NLK: variants seen among roughly 807,000 people sequenced by gnomAD.
NLK encodes the protein nemo like kinase.
Under a neutral mutation model 59.0 loss-of-function variants are expected in NLK, and 11 were observed. That is an observed-to-expected ratio of 0.19 (90% CI 0.12 to 0.31). NLK has a LOEUF of 0.31. NLK is among the 10% of genes least tolerant of loss of function. The probability of loss-of-function intolerance (pLI) is 1.00; values close to 1 mark genes in which losing one functional copy is unlikely to be tolerated. For synonymous variants in NLK, 235 were observed against 235.9 expected, an observed-to-expected ratio of 1.00 and a Z score of 0.03; for missense variants, 410 against 661.1, an observed-to-expected ratio of 0.62 and a Z score of 4.16.
intron 2 of NLK, among the ~76,000 whole-genome samples, chr17:28,124,892 A>G (rs28485510): frequency 6.6e-6 from 1 of 151,820 alleles, no homozygotes; most frequent in African/African-American, 2.4e-5. Context: ...TCTACAAAAA[A>G]TAAAAAATTA....
chr17:28,075,768 A>G (rs901497124), intron 1 of NLK, among the ~76,000 whole-genome samples: 4 of 151,936 alleles, frequency 2.6e-5, no homozygotes, highest in African/African-American at 9.7e-5. Context: ...CTTCACCCCC[A>G]CTTCATAAGC....
intron 7 of NLK, among the ~76,000 whole-genome samples, 179 bp from the exon 8 acceptor site, chr17:28,185,000 G>T (rs1170638790): frequency 6.6e-6 from 1 of 152,064 alleles, no homozygotes; most frequent in Non-Finnish European, 1.5e-5. Flanking sequence ...AATGCTACGG[G>T]AAGTTAGTAA....
chr17:28,105,194 G>C (rs1374353184), intron 1 of NLK, among the ~76,000 whole-genome samples: 1 of 152,156 alleles, frequency 6.6e-6, no homozygotes, highest in Non-Finnish European at 1.5e-5. Flanking sequence ...AAAGGGAAAG[G>C]AAACAGGGAC....
intron 1 of NLK, among the ~76,000 whole-genome samples, chr17:28,111,311 C>G (rs966365223): frequency 2.6e-5 from 4 of 152,016 alleles, no homozygotes; most frequent in Non-Finnish European, 5.9e-5. Context: ...CTCAGCCTCC[C>G]AAGTAACTGG....
intron 8 of NLK, among the ~76,000 whole-genome samples, chr17:28,190,042 G>T (rs1271121604): frequency 2.0e-5 from 3 of 152,176 alleles, no homozygotes; most frequent in African/African-American, 7.2e-5. Context: ...GAGAACAGTT[G>T]TTTTTGGTTT....
intron 1 of NLK, among the ~76,000 whole-genome samples, chr17:28,114,726 G>A (rs1905684962): frequency 6.6e-6 from 1 of 152,128 alleles, no homozygotes; most frequent in African/African-American, 2.4e-5. Flanking sequence ...TTGTTTTTGT[G>A]TATAGTGTGG....
At chr17:28,060,227 A>G (rs891524288) in intron 1 of NLK, among the ~76,000 whole-genome samples, 1 of 152,184 alleles carries the variant, frequency 6.6e-6, no homozygotes, top group Non-Finnish European at 1.5e-5. Flanking sequence ...ATAAGAAAAT[A>G]TAACTTTTTA....
At position 28,084,569 on chromosome 17, in the gene NLK, CT is replaced by C. The variant is rs934138395; in HGVS notation, c.459-38023del. 2.1e-4 allele frequency among the ~76,000 whole-genome samples: 31 copies of C among 146,778 alleles called. 1 individual carries two copies. Among genetic ancestry groups the C allele is most frequent in the Non-Finnish European group, 3.2e-4 (21 of 66,024 alleles). The stretch of plus-strand genomic sequence containing the variant: ...TGTACATTCTGTCCCACTACCTTTT[CT>C]TTTTTTTTTTCGAGATGGAGTCTTG... On this transcript the variant is annotated intron_variant, in intron 1 of 10. Transcript: ENST00000407008.
downstream of NLK, among the ~76,000 whole-genome samples, chr17:28,201,314 C>T (rs1567746327): frequency 6.6e-6 from 1 of 151,524 alleles, no homozygotes; most frequent in Non-Finnish European, 1.5e-5. Flanking sequence ...AACTCCTGGC[C>T]TCAAGTAATA....
At chr17:28,100,478 T>A (rs1472150940) in intron 1 of NLK, among the ~76,000 whole-genome samples, 1 of 152,202 alleles carries the variant, frequency 6.6e-6, no homozygotes, top group Non-Finnish European at 1.5e-5. Context: ...AGTAGAATCT[T>A]ACTGTGGTTT....
chr17:28,053,572 A>T (rs1239789661), intron 1 of NLK, among the ~76,000 whole-genome samples: 1 of 152,196 alleles, frequency 6.6e-6, no homozygotes, highest in African/African-American at 2.4e-5. Context: ...TATAGAGCTC[A>T]GTAGTGTCAG....
intron 2 of NLK, among the ~76,000 whole-genome samples, chr17:28,126,265 G>A (rs1906285875): frequency 6.6e-6 from 1 of 152,218 alleles, no homozygotes; most frequent in Non-Finnish European, 1.5e-5. Flanking sequence ...TGGAGAGGGG[G>A]ACCTTAAAAC....
chr17:28,064,020 A>C (rs148605445), intron 1 of NLK, among the ~76,000 whole-genome samples: 2 of 152,158 alleles, frequency 1.3e-5, no homozygotes, highest in African/African-American at 4.8e-5. Flanking sequence ...ACTGAACATA[A>C]ATATACGAGT....
intron 3 of NLK, among the ~76,000 whole-genome samples, chr17:28,143,937 G>A (rs896285572): frequency 2.6e-5 from 4 of 152,086 alleles, no homozygotes; most frequent in East Asian, 1.9e-4. Context: ...CCTTGTCATC[G>A]GTAAGCATTT....
chr17:28,061,088 A>G (rs1038754047), intron 1 of NLK, among the ~76,000 whole-genome samples: 5 of 152,128 alleles, frequency 3.3e-5, no homozygotes, highest in African/African-American at 4.8e-5. Context: ...CAGTGGTGCA[A>G]TCATAGCTCA....
chr17:28,166,147 A>G (rs1908224992), intron 5 of NLK, among the ~76,000 whole-genome samples: 1 of 152,236 alleles, frequency 6.6e-6, no homozygotes, highest in Non-Finnish European at 1.5e-5. Context: ...CCTGAGAGGC[A>G]GACGTTGCAG....
At chr17:28,180,361 A>C (rs948717387) in intron 7 of NLK, among the ~76,000 whole-genome samples, 2 of 152,192 alleles carry the variant, frequency 1.3e-5, no homozygotes, top group African/African-American at 4.8e-5. Context: ...ATTCACTGGC[A>C]TATAGAACTA....
chr17:28,126,810 T>TAGTA (rs924355095), intron 2 of NLK, among the ~76,000 whole-genome samples: 4 of 152,206 alleles, frequency 2.6e-5, no homozygotes, highest in Non-Finnish European at 5.9e-5. Context: ...GGCTTATTAC[T>TAGTA]AGTATCTATC....
intron 1 of NLK, among the ~76,000 whole-genome samples, chr17:28,059,263 G>T (rs1250840418): frequency 2.0e-5 from 3 of 152,016 alleles, no homozygotes; most frequent in African/African-American, 4.8e-5. Context: ...GACCCAACCC[G>T]ATGGTATTGG....
Sources: allele counts gnomAD v4.1 joint callset (sites outside exome capture counted in the v4.1 genomes callset), GRCh38; gene constraint gnomAD v4.1.1; transcripts MANE v1.5; gene names NCBI Gene and HGNC (gene_info 2026-07-23, HGNC 2026-07-21).